PRKCB: variants seen among roughly 807,000 people sequenced by gnomAD.
PRKCB encodes the protein protein kinase C beta type.
PRKCB carries 13 observed loss-of-function variants against 81.5 expected under a neutral mutation model. The ratio of observed to expected loss-of-function variants is 0.16; its 90% CI spans 0.10 to 0.25. The LOEUF is 0.25. Ranked by LOEUF, PRKCB falls within the 10% of genes least tolerant of loss-of-function variation. The probability of loss-of-function intolerance (pLI) is 1.00; values close to 1 mark genes in which losing one functional copy is unlikely to be tolerated. For missense variants in PRKCB, 509 were observed against 875.7 expected (o/e 0.58, Z 5.29); for synonymous variants, 335 against 321.4 (o/e 1.04, Z -0.45).
intron 5 of PRKCB, among the ~76,000 whole-genome samples, chr16:24,081,532 A>ATTTG (rs1966248800): frequency 1.3e-5 from 2 of 152,214 alleles, no homozygotes; most frequent in Non-Finnish European, 2.9e-5. Context: ...CCCCAGTCCT[A>ATTTG]TTCAACATCA....
At chr16:24,181,503 G>C (rs528991144) in intron 13 of PRKCB, among the ~76,000 whole-genome samples, 3 of 152,028 alleles carry the variant, frequency 2.0e-5, no homozygotes, top group Admixed American at 6.6e-5. Context: ...GTGGCAGCTC[G>C]CGCCTGTAAT....
chr16:24,161,686 T>C (rs1967259377), intron 10 of PRKCB, among the ~76,000 whole-genome samples: 2 of 152,188 alleles, frequency 1.3e-5, no homozygotes, highest in Non-Finnish European at 2.9e-5. Context: ...GGATCTGTGA[T>C]TGCTTGCTAG....
At chr16:23,883,666 G>A (rs1046182495) in intron 2 of PRKCB, among the ~76,000 whole-genome samples, 9 of 152,196 alleles carry the variant, frequency 5.9e-5, no homozygotes, top group Non-Finnish European at 4.4e-5. Context: ...CAGCAGTGCA[G>A]AGGGAGAGAC....
chr16:24,062,429 C>T (rs1457493655), intron 5 of PRKCB, among the ~76,000 whole-genome samples: 4 of 152,242 alleles, frequency 2.6e-5, no homozygotes, highest in East Asian at 1.9e-4. Flanking sequence ...CTGTTTGCAT[C>T]GCATTGGCTA....
intron 2 of PRKCB, among the ~76,000 whole-genome samples, chr16:23,866,265 G>A (rs946642128): frequency 2.0e-5 from 3 of 152,148 alleles, no homozygotes; most frequent in African/African-American, 7.2e-5. Context: ...TAATCATTAT[G>A]GCCATGTTTA....
chr16:23,854,277 G>T (rs950601175), intron 2 of PRKCB, among the ~76,000 whole-genome samples: 8 of 152,076 alleles, frequency 5.3e-5, no homozygotes, highest in African/African-American at 1.9e-4. Flanking sequence ...TCCTTTGTTG[G>T]TTCTACTTCC....
intron 11 of PRKCB, among the ~76,000 whole-genome samples, chr16:24,173,886 G>A (rs1967486338): frequency 6.6e-6 from 1 of 152,234 alleles, no homozygotes; most frequent in Admixed American, 6.5e-5. Context: ...TTACAGGATT[G>A]TTATTAGGAT....
chr16:23,915,507 G>A (rs1431998307), intron 2 of PRKCB, among the ~76,000 whole-genome samples: 1 of 151,816 alleles, frequency 6.6e-6, no homozygotes, highest in Admixed American at 6.6e-5. Flanking sequence ...CAACACAGTG[G>A]GACCCCAGTC....
chr16:23,858,084 C>T (rs371819605), intron 2 of PRKCB, among the ~76,000 whole-genome samples: 6 of 146,882 alleles, frequency 4.1e-5, no homozygotes, highest in African/African-American at 1.4e-4. Flanking sequence ...GTGACAATGA[C>T]GTTGATGATG....
chr16:23,987,739 C>A (rs1352225707), intron 2 of PRKCB, among the ~76,000 whole-genome samples: 4 of 152,038 alleles, frequency 2.6e-5, no homozygotes, highest in Admixed American at 6.5e-5. Context: ...TCCAGAAACC[C>A]GCAGTCTAGA....
At chr16:24,137,363 T>G (rs978641084) in intron 9 of PRKCB, among the ~76,000 whole-genome samples, 2 of 151,240 alleles carry the variant, frequency 1.3e-5, no homozygotes, top group African/African-American at 4.9e-5. Flanking sequence ...TCATTTTTGT[T>G]TTTTTTCTAG....
At chr16:24,006,824 A>T (rs1386888293) in intron 3 of PRKCB, among the ~76,000 whole-genome samples, 5 of 148,668 alleles carry the variant, frequency 3.4e-5, no homozygotes, top group African/African-American at 1.3e-4. Flanking sequence ...CGAAGTACTG[A>T]TACGGGGAGC....
intron 3 of PRKCB, among the ~76,000 whole-genome samples, chr16:24,021,337 T>C (rs1349636270): frequency 2.5e-4 from 14 of 55,112 alleles, no homozygotes; most frequent in South Asian, 1.4e-3. Context: ...CTTCCTTCCT[T>C]CCTTCCTTCC....
chr16:23,924,064 A>G lies in PRKCB; in HGVS notation c.206-64444A>G, dbSNP rs897363144. Among the ~76,000 whole-genome samples, 4 of 152,042 alleles carry G rather than the reference A, an allele frequency of 2.6e-5. 1 individual carries two copies. The highest frequency in any genetic ancestry group is 2.4e-5 in the African/African-American group (1 of 41,414). ...AATCTCATCTTGAATTGTAATCCCC[A>G]TAATCCCCATGTGTCTAGGGAGAGA... is the stretch of plus-strand genomic sequence containing the variant. On this transcript the variant is annotated intron_variant, in intron 2 of 16. Transcript: ENST00000643927.
chr16:24,171,311 T>A (rs1008366012), intron 10 of PRKCB, among the ~76,000 whole-genome samples: 3 of 152,202 alleles, frequency 2.0e-5, no homozygotes, highest in Non-Finnish European at 4.4e-5. Flanking sequence ...CCTCAGTTCT[T>A]TGCCAAATGT....
chr16:24,196,977 T>A (rs1373873838), intron 16 of PRKCB, among the ~76,000 whole-genome samples: 1 of 152,186 alleles, frequency 6.6e-6, no homozygotes, highest in Non-Finnish European at 1.5e-5. Context: ...AAGGGCAGAC[T>A]CTGTCGCTGA....
At chr16:24,057,052 C>G (rs535021671) in intron 5 of PRKCB, among the ~76,000 whole-genome samples, 1 of 152,210 alleles carries the variant, frequency 6.6e-6, no homozygotes, top group South Asian at 2.1e-4. Flanking sequence ...TGGTGGGTGT[C>G]TATGATCAGG....
At position 23,916,494 on chromosome 16, in the gene PRKCB, A is replaced by C. The variant is rs116480935; in HGVS notation, c.206-72014A>C. Among the ~76,000 whole-genome samples the C allele has an allele frequency of 9.9e-3, 1,500 of 152,202 alleles. 24 individuals are homozygous for C. The highest frequency in any genetic ancestry group is 0.034 in the African/African-American group (1,398 of 41,522). ...TGGTTCAAAATTAAAAAGGCACAAG[A>C]GCTTTAATACTTTTATTGAAAGATT... On this transcript the variant is annotated intron_variant, in intron 2 of 16. Transcript: ENST00000643927.
intron 2 of PRKCB, 48 bp from the exon 3 acceptor site, chr16:23,988,460 T>G: frequency 1.3e-6 from 2 of 1,498,580 alleles, no homozygotes; most frequent in African/African-American, 1.4e-5. Context: ...CTTCCTCCTC[T>G]CCGCTTTCCT....
Sources: gnomAD v4.1 joint callset for allele counts (sites outside exome capture counted in the v4.1 genomes callset) on GRCh38, gnomAD v4.1.1 for gene constraint, MANE v1.5 for transcripts, NCBI Gene and HGNC (gene_info 2026-07-23, HGNC 2026-07-21) for gene names.